The following UVRAG variants were observed in gnomAD, a reference collection of about 807,000 sequenced individuals.
UVRAG encodes the protein UV radiation resistance-associated gene protein.
A neutral mutation model predicts 78.0 loss-of-function variants in UVRAG; 19 were observed. The ratio of observed to expected loss-of-function variants is 0.24; its 90% confidence interval spans 0.17 to 0.36. The LOEUF (loss-of-function observed/expected upper bound fraction) is 0.36, where lower values mean the gene tolerates loss of function less well. Ranked by LOEUF, UVRAG falls within the 10% of genes least tolerant of loss-of-function variation. UVRAG has a pLI of 1.00. For missense variants in UVRAG, 740 were observed against 853.8 expected, an observed-to-expected ratio of 0.87 and a Z score of 1.66; for synonymous variants, 323 against 324.6, an observed-to-expected ratio of 1.00 and a Z score of 0.05.
rs1474880913 is a variant in UVRAG, at chr11:76,014,198, A to G, written c.1061-2617A>G. ...AGAGATGTGGATGTAGTCTCAAAAT[A>G]TACAAATATAATTCTTTAGCAGTCC... On this transcript the variant is annotated intron_variant, in intron 11 of 14. Transcript: ENST00000356136. Among the ~76,000 whole-genome samples the G allele has an allele frequency of 3.9e-5, 6 of 152,256 alleles. No individual in the cohort carries two copies. The East Asian group carries it at 1.2e-3, about 29-fold the overall frequency.
Position 76,142,368 on chromosome 11 carries a change from G to A in UVRAG, c.*955G>A, listed in dbSNP as rs1183682430. 1 of 152,346 alleles carries A rather than the reference G, an allele frequency of 6.6e-6. No homozygotes were observed. Among genetic ancestry groups the A allele is most frequent in the Non-Finnish European group, 1.5e-5 (1 of 68,040 alleles). 9.4% of individuals were successfully genotyped at this position (152,346 alleles called of 1,614,324 possible). On this transcript the variant is annotated 3_prime_UTR_variant, in exon 15 of 15. Coordinates refer to ENST00000356136, the MANE Select transcript of UVRAG (RefSeq NM_003369.4). Reference sequence around the variant, plus strand: ...AAGGTCAGCATTTACATGACAGAATGTATGTAGAGAGTTGGGGTGTCTGGT... The same window carrying A: ...AAGGTCAGCATTTACATGACAGAATATATGTAGAGAGTTGGGGTGTCTGGT...
At chr11:75,849,436 G>A (rs1011907315) in intron 1 of UVRAG, among the ~76,000 whole-genome samples, 4 of 150,490 alleles carry the variant, frequency 2.7e-5, no homozygotes, top group African/African-American at 9.9e-5. Flanking sequence ...GGAGCTTGCA[G>A]AGAGCCGAGA....
chr11:76,018,302 T>C (rs1185876676), intron 12 of UVRAG, among the ~76,000 whole-genome samples: 5 of 152,240 alleles, frequency 3.3e-5, no homozygotes, highest in South Asian at 4.1e-4. Context: ...GGGAGCTCCA[T>C]TGTATGTTAC....
intron 14 of UVRAG, among the ~76,000 whole-genome samples, chr11:76,133,246 A>G (rs1448211066): frequency 2.0e-5 from 3 of 152,196 alleles, no homozygotes; most frequent in African/African-American, 4.8e-5. Context: ...ATTGGTAGCT[A>G]TAACCATTTC....
rs375272897 is a variant in UVRAG, at chr11:75,999,386, A to G, written c.827-4619A>G. ...TTTTCAGTTGTTTTTTTGTTTGTTT[A>G]TTTGTTTGTTTTTTGAGACAGAGTC... On this transcript the variant is annotated intron_variant, in intron 8 of 14. Transcript: ENST00000356136. 5.3e-5 allele frequency among the ~76,000 whole-genome samples: 8 copies of G among 151,282 alleles called. No individual in the cohort carries two copies. The East Asian group carries it at 5.8e-4, about 11-fold the overall frequency.
chr11:75,874,265 AAG>A (rs1272063911), intron 3 of UVRAG, among the ~76,000 whole-genome samples: 1 of 150,806 alleles, frequency 6.6e-6, no homozygotes, highest in Non-Finnish European at 1.5e-5. Flanking sequence ...ATTTGGTAGA[AAG>A]AGAAAAAAAA....
intron 8 of UVRAG, among the ~76,000 whole-genome samples, chr11:75,993,239 T>G (rs1429833744): frequency 6.6e-6 from 1 of 152,184 alleles, no homozygotes; most frequent in African/African-American, 2.4e-5. Flanking sequence ...CAGGATGATT[T>G]ATTGGAAAGT....
chr11:75,844,831 G>T (rs182682824), intron 1 of UVRAG, among the ~76,000 whole-genome samples: 4 of 152,032 alleles, frequency 2.6e-5, no homozygotes, highest in African/African-American at 9.6e-5. Context: ...GTGCCACCAT[G>T]CCCAACTAAT....
chr11:76,078,883 C>T (rs1385494778), intron 13 of UVRAG, among the ~76,000 whole-genome samples: 10 of 151,510 alleles, frequency 6.6e-5, no homozygotes, highest in South Asian at 2.1e-4. Context: ...GAGCTGAGAT[C>T]GCACCACTGC....
intron 14 of UVRAG, among the ~76,000 whole-genome samples, chr11:76,116,912 TC>T (rs1428263100): frequency 3.9e-5 from 6 of 152,220 alleles, no homozygotes; most frequent in African/African-American, 1.4e-4. Context: ...AACGGCAAGT[TC>T]CAGATGTCTG....
chr11:76,106,055 C>T (rs1214645856), intron 13 of UVRAG, among the ~76,000 whole-genome samples: 1 of 152,138 alleles, frequency 6.6e-6, no homozygotes, highest in Non-Finnish European at 1.5e-5. Context: ...ATACTTATAG[C>T]AACTTAATTC....
intron 6 of UVRAG, chr11:75,942,483 G>T (rs184801852): frequency 6.6e-6 from 1 of 152,054 alleles, no homozygotes; most frequent in East Asian, 1.9e-4. Flanking sequence ...GATTCACAGC[G>T]GGAGAGTCTT....
At chr11:76,008,677 G>T (rs955925003) in intron 10 of UVRAG, 130 bp from the exon 11 acceptor site, 10 of 491,628 alleles carry the variant, frequency 2.0e-5, no homozygotes, top group African/African-American at 1.9e-4. Flanking sequence ...TCATCATCCA[G>T]CTTCAACAAT....
At position 75,828,731 on chromosome 11, in the gene UVRAG, GTATA is replaced by G. The variant is rs199596890; in HGVS notation, c.117+13220_117+13223del. On this transcript the variant is annotated intron_variant, in intron 1 of 14. Coordinates refer to ENST00000356136, the MANE Select transcript of UVRAG (RefSeq NM_003369.4). Reference sequence around the variant, plus strand: ...TATATGTGTATATATATGTGTGTGTGTATATATATATATATACACACACATATAT... The same window carrying G: ...TATATGTGTATATATATGTGTGTGTGTATATATATATACACACACATATAT... Among the ~76,000 whole-genome samples, 192 of 110,804 alleles carry G rather than the reference GTATA, an allele frequency of 1.7e-3. 1 individual carries two copies. The highest frequency in any genetic ancestry group is 0.017 in the Middle Eastern group (3 of 178). 72.7% of individuals were successfully genotyped at this position (110,804 alleles called of 152,430 possible).
chr11:75,940,431 T>C (rs1333269524), intron 6 of UVRAG, among the ~76,000 whole-genome samples: 1 of 152,204 alleles, frequency 6.6e-6, no homozygotes, highest in Admixed American at 6.5e-5. Context: ...TTTTCTATTC[T>C]ACTTAAAAGG....
intron 7 of UVRAG, among the ~76,000 whole-genome samples, chr11:75,967,762 A>G (rs1279637908): frequency 1.3e-5 from 2 of 152,238 alleles, no homozygotes; most frequent in Non-Finnish European, 2.9e-5. Context: ...GGATTTTCAC[A>G]TCTGCTTCTG....
At chr11:75,980,085 A>G (rs763981981) in intron 7 of UVRAG, 1 of 151,562 alleles carries the variant, frequency 6.6e-6, no homozygotes, top group Non-Finnish European at 1.5e-5. Context: ...TGTGAAACCA[A>G]CTAGACCTTT....
intron 1 of UVRAG, among the ~76,000 whole-genome samples, chr11:75,821,886 A>G (rs1226516566): frequency 1.3e-5 from 2 of 150,502 alleles, no homozygotes; most frequent in Non-Finnish European, 2.9e-5. Context: ...AAGACTTAAG[A>G]GGTAAAGTGC....
chr11:75,885,720 G>T (rs943607353), intron 4 of UVRAG, among the ~76,000 whole-genome samples: 1 of 152,086 alleles, frequency 6.6e-6, no homozygotes, highest in Non-Finnish European at 1.5e-5. Flanking sequence ...ATAAGTAAAG[G>T]ATAGTACACA....
Sources: allele counts gnomAD v4.1 joint callset (sites outside exome capture counted in the v4.1 genomes callset), GRCh38; gene constraint gnomAD v4.1.1; transcripts MANE v1.5; gene names NCBI Gene and HGNC (gene_info 2026-07-23, HGNC 2026-07-21).